THSD7A: variants seen among roughly 807,000 people sequenced by gnomAD.
The protein encoded by THSD7A is thrombospondin type-1 domain-containing protein 7A.
THSD7A carries 96 observed loss-of-function variants against 231.3 expected under a neutral mutation model. The observed-to-expected ratio is 0.41, with a 90% CI of 0.35 to 0.49. The LOEUF is 0.49. THSD7A is among the 20% of genes least tolerant of loss of function. THSD7A has a pLI of 0.05. For missense variants in THSD7A, 2,290 were observed against 2,070.2 expected (o/e 1.11, Z -2.06); for synonymous variants, 940 against 743.3 (o/e 1.26, Z -4.30).
At chr7:11,409,050 C>T (rs1006596461) in intron 19 of THSD7A, among the ~76,000 whole-genome samples, 1 of 152,268 alleles carries the variant, frequency 6.6e-6, no homozygotes, top group Admixed American at 6.5e-5. Flanking sequence ...TTTTTCCTTA[C>T]ATTGATCATA....
chr7:11,653,448 A>ATGTGTG (rs60933989), intron 1 of THSD7A, among the ~76,000 whole-genome samples: 9,552 of 126,948 alleles, frequency 0.075, 430 homozygotes, highest in East Asian at 0.16. Context: ...ACTCCCAGAT[A>ATGTGTG]TGTGTGTGTG....
intron 1 of THSD7A, among the ~76,000 whole-genome samples, chr7:11,648,264 T>C (rs905519778): frequency 2.6e-5 from 4 of 152,084 alleles, no homozygotes; most frequent in African/African-American, 9.7e-5. Flanking sequence ...GTGTTGCAGC[T>C]GTCCATTTGC....
chr7:11,796,231 C>A (rs1784122677), intron 1 of THSD7A, among the ~76,000 whole-genome samples: 1 of 149,906 alleles, frequency 6.7e-6, no homozygotes, highest in Admixed American at 6.7e-5. Flanking sequence ...AATTCTAGAC[C>A]CTTTCTACTG....
intron 23 of THSD7A, among the ~76,000 whole-genome samples, chr7:11,393,035 C>A (rs1783045774): frequency 6.6e-6 from 1 of 152,192 alleles, no homozygotes; most frequent in African/African-American, 2.4e-5. Flanking sequence ...TGTTTGACCT[C>A]TGCTAAGGGT....
At chr7:11,576,084 T>G (rs1020020062) in intron 4 of THSD7A, among the ~76,000 whole-genome samples, 3 of 152,210 alleles carry the variant, frequency 2.0e-5, no homozygotes, top group African/African-American at 7.2e-5. Context: ...CCAGAAGTTG[T>G]GGCCTACTTC....
chr7:11,528,942 T>C (rs1052891111), intron 6 of THSD7A, among the ~76,000 whole-genome samples: 3 of 152,202 alleles, frequency 2.0e-5, no homozygotes, highest in African/African-American at 7.2e-5. Flanking sequence ...TTCTTAATTA[T>C]ATTTAATTGC....
Position 11,590,364 on chromosome 7 carries a change from C to G in THSD7A, c.1453+96G>C. ...CCACAATGTGAACAGAAATGCAGCC[C>G]TCATAACCTGGATGGCTGTGTATAT... On this transcript the variant is annotated intron_variant, in intron 4 of 27. Coordinates refer to ENST00000423059, the MANE Select transcript of THSD7A (RefSeq NM_015204.3). This position sits in a 1 kb window ranked among gnomAD's most constrained non-coding sequence, Gnocchi z 4.4. The G allele has an allele frequency of 7.7e-7, 1 of 1,292,052 alleles. No individual in the cohort carries two copies. The highest frequency in any genetic ancestry group is 1.1e-6 in the Non-Finnish European group (1 of 947,724). 80.0% of individuals were successfully genotyped at this position (1,292,052 alleles called of 1,614,324 possible).
chr7:11,606,015 G>A (rs2128346749), intron 2 of THSD7A, among the ~76,000 whole-genome samples: 1 of 152,216 alleles, frequency 6.6e-6, no homozygotes, highest in Non-Finnish European at 1.5e-5. Context: ...TTAGTTTCCT[G>A]CCTTTGTAGT....
At chr7:11,404,629 G>A (rs1029247781) in intron 22 of THSD7A, among the ~76,000 whole-genome samples, 4 of 152,206 alleles carry the variant, frequency 2.6e-5, no homozygotes, top group Admixed American at 2.6e-4. Flanking sequence ...GATCTTAAAT[G>A]ATATCAGACT....
chr7:11,591,200 CG>C (rs1562751047), intron 3 of THSD7A, among the ~76,000 whole-genome samples: 1 of 141,114 alleles, frequency 7.1e-6, no homozygotes, highest in African/African-American at 2.7e-5. Context: ...CTAATGAGTG[CG>C]GATGCATGAT....
Position 11,372,196 on chromosome 7 carries a change from A to G in THSD7A, c.*3598T>C, listed in dbSNP as rs1054473596. ...ACTGTGGCCTAAAGACATGTACATT[A>G]CGTAGGGGAAAATACTAACCCCATC... On this transcript the variant is annotated 3_prime_UTR_variant, in exon 28 of 28. Coordinates refer to ENST00000423059, the MANE Select transcript of THSD7A (RefSeq NM_015204.3). The G allele has an allele frequency of 6.6e-6, 1 of 152,144 alleles. No individual in the cohort carries two copies. The highest frequency in any genetic ancestry group is 1.5e-5 in the Non-Finnish European group (1 of 68,024). The allele number at this position is 152,144 out of a possible 1,614,324, so 9.4% of individuals were successfully genotyped here.
chr7:11,769,141 A>ATTTTTTTTTTTT (rs1562541275), intron 1 of THSD7A, among the ~76,000 whole-genome samples: 1 of 34,964 alleles, frequency 2.9e-5, no homozygotes, highest in Non-Finnish European at 6.3e-5. Context: ...ATATATATAT[A>ATTTTTTTTTTTT]TATATATATA....
Position 11,823,360 on chromosome 7 carries a change from A to G in THSD7A, c.190+8397T>C, listed in dbSNP as rs370071965. 2.6e-4 allele frequency among the ~76,000 whole-genome samples: 39 copies of G among 152,096 alleles called. No individual in the cohort carries two copies. The East Asian group carries it at 3.3e-3, about 13-fold the overall frequency. On this transcript the variant is annotated intron_variant, in intron 1 of 27. Coordinates refer to ENST00000423059, the MANE Select transcript of THSD7A (RefSeq NM_015204.3). ...ATGCTGTTTTGGTTACTATAGCCTCATAATATAATTTGAAATTGGGTAATG... is the reference window on the plus strand; with the variant it reads ...ATGCTGTTTTGGTTACTATAGCCTCGTAATATAATTTGAAATTGGGTAATG...
chr7:11,545,854 G>T (rs990633982), intron 4 of THSD7A, among the ~76,000 whole-genome samples: 3 of 152,150 alleles, frequency 2.0e-5, no homozygotes, highest in Non-Finnish European at 4.4e-5. Context: ...CTTCTCCCAA[G>T]GCTCACCACA....
Position 11,737,393 on chromosome 7 carries a change from G to A in THSD7A, c.190+94364C>T, listed in dbSNP as rs554526748. Among the ~76,000 whole-genome samples, 5 of 152,082 alleles carry A rather than the reference G, an allele frequency of 3.3e-5. No individual in the cohort carries two copies. The South Asian group carries it at 6.2e-4, about 19-fold the overall frequency. ...TCTTAGCCAGGCTTGATGTGTGAAA[G>A]GTCACCAGGCAGAATGGATGGAGTA... On this transcript the variant is annotated intron_variant, in intron 1 of 27. Coordinates refer to ENST00000423059, the MANE Select transcript of THSD7A (RefSeq NM_015204.3).
At chr7:11,758,605 C>A (rs111697669) in intron 1 of THSD7A, among the ~76,000 whole-genome samples, 1 of 151,922 alleles carries the variant, frequency 6.6e-6, no homozygotes, top group Admixed American at 6.6e-5. Flanking sequence ...ACTCCCACAA[C>A]GTGAATGTAT....
intron 1 of THSD7A, among the ~76,000 whole-genome samples, chr7:11,661,399 T>C (rs893935585): frequency 2.0e-5 from 3 of 151,312 alleles, no homozygotes; most frequent in Admixed American, 6.6e-5. Flanking sequence ...AGCTATCAGA[T>C]CTGTACTTTA....
chr7:11,503,392 C>G (rs954702381), intron 6 of THSD7A, among the ~76,000 whole-genome samples: 10 of 152,210 alleles, frequency 6.6e-5, no homozygotes, highest in Admixed American at 4.6e-4. Context: ...ATCTTAGACA[C>G]AGGAATGGGC....
At chr7:11,532,003 G>A (rs1317160666) in intron 6 of THSD7A, among the ~76,000 whole-genome samples, 3 of 152,100 alleles carry the variant, frequency 2.0e-5, no homozygotes, top group Admixed American at 2.0e-4. Flanking sequence ...TTGACCCATA[G>A]AATGTGGCAG....
Sources: gnomAD v4.1 joint callset for allele counts (sites outside exome capture counted in the v4.1 genomes callset) on GRCh38, gnomAD v4.1.1 for gene constraint, Gnocchi (gnomAD v3.1) non-coding constraint, MANE v1.5 for transcripts, NCBI Gene and HGNC (gene_info 2026-07-23, HGNC 2026-07-21) for gene names.